The following ROBO1 variants were observed in gnomAD, a reference collection of about 807,000 sequenced individuals.
The protein encoded by ROBO1 is roundabout guidance receptor 1.
ROBO1 carries 149 observed loss-of-function variants against 195.9 expected under a neutral mutation model. That is an observed-to-expected ratio of 0.76 (90% CI 0.67 to 0.87). The LOEUF is 0.87. ROBO1 is among the 40% of genes least tolerant of loss of function. The pLI, the probability that ROBO1 is intolerant of heterozygous loss-of-function variation, is 0.00. For missense variants in ROBO1, 1,933 were observed against 2,068.3 expected (o/e 0.93, Z 1.27); for synonymous variants, 816 against 733.2 (o/e 1.11, Z -1.82).
At chr3:78,954,296 T>C (rs764332317) in intron 3 of ROBO1, among the ~76,000 whole-genome samples, 6 of 152,142 alleles carry the variant, frequency 3.9e-5, no homozygotes, top group South Asian at 2.1e-4. Context: ...AGTAAATGTA[T>C]TGCTTTCAAA....
chr3:79,641,315 T>C (rs1945652454), intron 1 of ROBO1, among the ~76,000 whole-genome samples: 1 of 151,174 alleles, frequency 6.6e-6, no homozygotes, highest in East Asian at 2.0e-4. Flanking sequence ...TATTAAATCA[T>C]TGCTGATCAA....
intron 2 of ROBO1, among the ~76,000 whole-genome samples, chr3:79,277,329 G>T (rs1173105410): frequency 6.6e-6 from 1 of 152,004 alleles, no homozygotes; most frequent in Non-Finnish European, 1.5e-5. Context: ...ATCATGGATG[G>T]AACTCAAGGT....
At chr3:79,078,503 T>C (rs935028068) in intron 3 of ROBO1, among the ~76,000 whole-genome samples, 5 of 151,800 alleles carry the variant, frequency 3.3e-5, no homozygotes, top group African/African-American at 1.2e-4. Context: ...AGCTCCAGAA[T>C]TGCATACTAT....
At chr3:79,245,374 TA>T (rs1210818625) in intron 2 of ROBO1, among the ~76,000 whole-genome samples, 3 of 152,104 alleles carry the variant, frequency 2.0e-5, no homozygotes, top group Non-Finnish European at 4.4e-5. Flanking sequence ...GCACTAGGGT[TA>T]TTGAATGTGG....
rs997957825 is a variant in ROBO1, at chr3:78,633,285, C to T, written c.3481+650G>A. ...ACTGCCTTTAATTAGAAAAACAGGACTTAAGTACCCAGCAAGCTCCCATCT... is the reference window on the plus strand; with the variant it reads ...ACTGCCTTTAATTAGAAAAACAGGATTTAAGTACCCAGCAAGCTCCCATCT... On this transcript the variant is annotated intron_variant, in intron 24 of 30. Coordinates refer to ENST00000464233, the MANE Select transcript of ROBO1 (RefSeq NM_002941.4). 3.9e-5 allele frequency among the ~76,000 whole-genome samples: 6 copies of T among 152,146 alleles called. No homozygotes were observed. The East Asian group carries it at 1.2e-3, about 29-fold the overall frequency.
intron 4 of ROBO1, among the ~76,000 whole-genome samples, chr3:78,855,908 G>A (rs900669129): frequency 1.3e-5 from 2 of 151,562 alleles, no homozygotes; most frequent in Admixed American, 6.6e-5. Flanking sequence ...AAATACTAAC[G>A]GAAATGAAAC....
At chr3:79,128,695 A>C (rs1358632166) in intron 2 of ROBO1, among the ~76,000 whole-genome samples, 1 of 151,958 alleles carries the variant, frequency 6.6e-6, no homozygotes, top group Non-Finnish European at 1.5e-5. Flanking sequence ...GGTCAGATGG[A>C]CCCCCATAAC....
chr3:79,435,885 T>C (rs893748060), intron 2 of ROBO1, among the ~76,000 whole-genome samples: 1 of 152,176 alleles, frequency 6.6e-6, no homozygotes, highest in African/African-American at 2.4e-5. Flanking sequence ...TTTCTGAGTT[T>C]ATTTCTCTGA....
At chr3:78,901,669 A>C (rs1427665936) in intron 4 of ROBO1, among the ~76,000 whole-genome samples, 1 of 152,184 alleles carries the variant, frequency 6.6e-6, no homozygotes, top group East Asian at 1.9e-4. Flanking sequence ...GAGCGATTTA[A>C]ATCTGTGAAA....
At chr3:79,641,383 T>C (rs1945654763) in intron 1 of ROBO1, among the ~76,000 whole-genome samples, 1 of 152,068 alleles carries the variant, frequency 6.6e-6, no homozygotes. Context: ...ATAGACTTTT[T>C]CACATTTTAG....
chr3:79,451,347 C>G (rs1002305557), intron 2 of ROBO1, among the ~76,000 whole-genome samples: 14 of 151,958 alleles, frequency 9.2e-5, no homozygotes, highest in African/African-American at 3.4e-4. Context: ...CTCTAGTAAT[C>G]AGGGAATTGT....
rs151302859 is a variant in ROBO1 at position 78,769,390 on chromosome 3, G to C, written c.500-22490C>G. ...GATATAAGAATAGCTACTCCTGCTC[G>C]CTTTTGGTGTCCATTTGCATGAAAT... On this transcript the variant is annotated intron_variant, in intron 4 of 30. Coordinates refer to ENST00000464233, the MANE Select transcript of ROBO1 (RefSeq NM_002941.4). Among the ~76,000 whole-genome samples, 852 of 152,176 alleles carry C rather than the reference G, an allele frequency of 5.6e-3. 10 individuals carry two copies. The highest frequency in any genetic ancestry group is 6.0e-3 in the Non-Finnish European group (405 of 68,000).
At chr3:78,912,824 A>T (rs548072051) in intron 4 of ROBO1, among the ~76,000 whole-genome samples, 19 of 152,250 alleles carry the variant, frequency 1.2e-4, no homozygotes, top group African/African-American at 4.3e-4. Context: ...AGTAAACATC[A>T]GATGTTTAAC....
At chr3:78,877,772 G>A (rs1360743409) in intron 4 of ROBO1, among the ~76,000 whole-genome samples, 1 of 152,082 alleles carries the variant, frequency 6.6e-6, no homozygotes, top group Non-Finnish European at 1.5e-5. Flanking sequence ...ACAATTAAAA[G>A]TAACATATTC....
chr3:78,986,895 T>C (rs927994635), intron 3 of ROBO1, among the ~76,000 whole-genome samples: 5 of 152,158 alleles, frequency 3.3e-5, no homozygotes, highest in Non-Finnish European at 7.4e-5. Flanking sequence ...TCCCAACTAT[T>C]GTTCAGTAGG....
chr3:79,233,729 T>C (rs947352910), intron 2 of ROBO1, among the ~76,000 whole-genome samples: 1 of 152,110 alleles, frequency 6.6e-6, no homozygotes, highest in African/African-American at 2.4e-5. Flanking sequence ...AAAAATAAAC[T>C]CCGTTTTAAG....
At position 78,857,284 on chromosome 3, in the gene ROBO1, G is replaced by T. The variant is rs966084210; in HGVS notation, c.499+81317C>A. Among the ~76,000 whole-genome samples the T allele has an allele frequency of 5.9e-5, 9 of 152,206 alleles. No individual in the cohort carries two copies. In the Middle Eastern group the frequency reaches 0.01, roughly 173 times the overall value. ...TTTCATTTTTATCTATTAGACATGG[G>T]TACACATTATATGAGAAATATGTCT... On this transcript the variant is annotated intron_variant, in intron 4 of 30. Coordinates refer to ENST00000464233, the MANE Select transcript of ROBO1 (RefSeq NM_002941.4).
chr3:79,618,106 G>C (rs1000650110), intron 1 of ROBO1, among the ~76,000 whole-genome samples: 1 of 151,730 alleles, frequency 6.6e-6, no homozygotes, highest in African/African-American at 2.4e-5. Flanking sequence ...AATGAACAAA[G>C]GCTTCAGGAA....
At chr3:79,442,485 A>T (rs920691788) in intron 2 of ROBO1, among the ~76,000 whole-genome samples, 4 of 152,144 alleles carry the variant, frequency 2.6e-5, no homozygotes, top group Admixed American at 6.6e-5. Flanking sequence ...CAGGATTACT[A>T]AGAAATTAAG....
Sources: allele counts gnomAD v4.1 joint callset (sites outside exome capture counted in the v4.1 genomes callset), GRCh38; gene constraint gnomAD v4.1.1; transcripts MANE v1.5; gene names NCBI Gene and HGNC (gene_info 2026-07-23, HGNC 2026-07-21).